The following RANBP3L variants were observed in gnomAD, a reference collection of about 807,000 sequenced individuals.
RANBP3L encodes the protein ran-binding protein 3-like.
In RANBP3L, 56 loss-of-function variants were observed where a neutral mutation model predicts 67.2. The observed-to-expected ratio is 0.83, with a 90% CI of 0.67 to 1.04. RANBP3L has a LOEUF of 1.04. Ranked by LOEUF, RANBP3L falls within the 50% of genes least tolerant of loss-of-function variation. The pLI, the probability that RANBP3L is intolerant of heterozygous loss-of-function variation, is 0.00. For missense variants in RANBP3L, 496 were observed against 535.5 expected, an observed-to-expected ratio of 0.93 and a Z score of 0.73; for synonymous variants, 164 against 181.4, an observed-to-expected ratio of 0.90 and a Z score of 0.77.
At chr5:36,282,911 T>A (rs1171177043) in intron 1 of RANBP3L, among the ~76,000 whole-genome samples, 1 of 152,154 alleles carries the variant, frequency 6.6e-6, no homozygotes, top group East Asian at 1.9e-4. Flanking sequence ...TCTGCAGTGA[T>A]ATATATTATT....
In RANBP3L at chr5:36,247,218, T is replaced by C. The variant is rs775031222; in HGVS notation, c.*2436A>G. Among the ~76,000 whole-genome samples, 1 of 152,302 alleles carries C rather than the reference T, an allele frequency of 6.6e-6. No homozygotes were observed. The highest frequency in any genetic ancestry group is 1.5e-5 in the Non-Finnish European group (1 of 68,024). ...TACAGGACAAGGAAAAACTATAAAA[T>C]GTTTCTACTATTCCTCCAAAATTGT... On this transcript the variant is annotated 3_prime_UTR_variant, in exon 14 of 14. Coordinates refer to ENST00000296604, the MANE Select transcript of RANBP3L (RefSeq NM_145000.5).
chr5:36,272,290 T>C (rs1425471667), intron 1 of RANBP3L, among the ~76,000 whole-genome samples: 1 of 152,200 alleles, frequency 6.6e-6, no homozygotes, highest in African/African-American at 2.4e-5. Context: ...CTCATAGCTA[T>C]CATTGCTAAA....
In RANBP3L at chr5:36,248,024, A is replaced by C. The variant is rs12656102; in HGVS notation, c.*1630T>G. Among the ~76,000 whole-genome samples, 1,834 of 152,248 alleles carry C rather than the reference A, an allele frequency of 0.012. 146 individuals are homozygous for C. The East Asian group carries it at 0.22, about 18-fold the overall frequency. ...ACCAGTGCTTTATTATCTTCTCCAA[A>C]TATCTCTCTGTGTTATGTTTCTAAT... On this transcript the variant is annotated 3_prime_UTR_variant, in exon 14 of 14. Coordinates refer to ENST00000296604, the MANE Select transcript of RANBP3L (RefSeq NM_145000.5).
chr5:36,262,201 T>G (rs1394259549), intron 6 of RANBP3L, among the ~76,000 whole-genome samples, 159 bp from the exon 7 acceptor site: 1 of 152,198 alleles, frequency 6.6e-6, no homozygotes, highest in Non-Finnish European at 1.5e-5. Flanking sequence ...TCCTTACAAC[T>G]CTAACACTTT....
At chr5:36,278,939 G>C (rs1213592046) in intron 1 of RANBP3L, among the ~76,000 whole-genome samples, 1 of 152,120 alleles carries the variant, frequency 6.6e-6, no homozygotes, top group Non-Finnish European at 1.5e-5. Context: ...TGATTAAAAT[G>C]TTCATTGCTG....
chr5:36,266,505 T>C (rs1486377941), intron 4 of RANBP3L, among the ~76,000 whole-genome samples: 1 of 152,198 alleles, frequency 6.6e-6, no homozygotes, highest in Non-Finnish European at 1.5e-5. Flanking sequence ...TTCAATTTAA[T>C]GTTTTTTATG....
intron 4 of RANBP3L, among the ~76,000 whole-genome samples, chr5:36,266,441 G>A (rs984344963): frequency 8.5e-5 from 13 of 152,068 alleles, no homozygotes; most frequent in African/African-American, 3.1e-4. Flanking sequence ...CTTCTTCAAA[G>A]TATTCTTTAA....
chr5:36,292,701 A>C (rs1751885049), intron 1 of RANBP3L, among the ~76,000 whole-genome samples: 1 of 151,942 alleles, frequency 6.6e-6, no homozygotes, highest in Non-Finnish European at 1.5e-5. Context: ...GTCAAAGATC[A>C]GATAGTTGTA....
chr5:36,265,574 C>T (rs1749705995), intron 4 of RANBP3L, 54 bp from the exon 5 acceptor site: 1 of 1,072,942 alleles, frequency 9.3e-7, no homozygotes, highest in Non-Finnish European at 1.4e-6. Flanking sequence ...TCAGATTCTA[C>T]ACTATTTGGG....
Position 36,301,727 on chromosome 5 carries a change from T to C in RANBP3L, c.-311A>G, listed in dbSNP as rs1379739472. The C allele has an allele frequency of 2.0e-5, 5 of 245,190 alleles. No homozygotes were observed. Among genetic ancestry groups the C allele is most frequent in the African/African-American group, 1.1e-4 (5 of 45,308 alleles). 15.2% of individuals were successfully genotyped at this position (245,190 alleles called of 1,614,324 possible). On this transcript the variant is annotated 5_prime_UTR_variant, in exon 1 of 14. Coordinates refer to ENST00000296604, the MANE Select transcript of RANBP3L (RefSeq NM_145000.5). ...TCCTTATAGAGTAAAATTCTACAAA[T>C]TAACTATTTCTAACAGATTACACTT...
chr5:36,274,150 TC>T (rs1750415247), intron 1 of RANBP3L, among the ~76,000 whole-genome samples: 1 of 152,222 alleles, frequency 6.6e-6, no homozygotes, highest in Admixed American at 6.5e-5. Context: ...CGTAAATTGT[TC>T]TTTGCTCGAT....
rs192919901 is a variant in RANBP3L, at chr5:36,299,995, C to A, written c.91+1331G>T. 3.9e-5 allele frequency among the ~76,000 whole-genome samples: 6 copies of A among 152,268 alleles called. No homozygotes were observed. The East Asian group carries it at 1.2e-3, about 29-fold the overall frequency. ...ACATTAAAATGTTAATAGCAATTATCTTTGGGTGGTGGGGTTACAGGTGAC... is the reference window on the plus strand; with the variant it reads ...ACATTAAAATGTTAATAGCAATTATATTTGGGTGGTGGGGTTACAGGTGAC... On this transcript the variant is annotated intron_variant, in intron 1 of 13. Transcript: ENST00000296604.
chr5:36,255,371 T>C (rs1748894777), intron 11 of RANBP3L, 99 bp downstream of exon 11: 1 of 1,195,836 alleles, frequency 8.4e-7, no homozygotes, highest in Admixed American at 2.6e-5. Context: ...TGGTGTATTT[T>C]ATAGCACATC....
Position 36,263,888 on chromosome 5 carries a change from T to A in RANBP3L, c.480+1071A>T, listed in dbSNP as rs913526856. Among the ~76,000 whole-genome samples, 4 of 152,246 alleles carry A rather than the reference T, an allele frequency of 2.6e-5. 1 individual carries two copies. The highest frequency in any genetic ancestry group is 9.6e-5 in the African/African-American group (4 of 41,460). The stretch of plus-strand genomic sequence containing the variant: ...CATGGTGATAATTATTACATTATAT[T>A]TAAGTGAAAACAATAATATACTTAT... On this transcript the variant is annotated intron_variant, in intron 6 of 13. Transcript: ENST00000296604.
At chr5:36,285,260 G>C (rs1298742803) in intron 1 of RANBP3L, among the ~76,000 whole-genome samples, 2 of 152,176 alleles carry the variant, frequency 1.3e-5, no homozygotes, top group African/African-American at 4.8e-5. Context: ...GCATTACCAC[G>C]AAAGAATAAT....
chr5:36,288,846 A>G (rs567096349), intron 1 of RANBP3L, among the ~76,000 whole-genome samples: 3 of 151,758 alleles, frequency 2.0e-5, no homozygotes, highest in East Asian at 3.9e-4. Context: ...TTTTTAACAT[A>G]TTCTGATTGA....
Position 36,247,708 on chromosome 5 carries a change from A to G in RANBP3L, c.*1946T>C, listed in dbSNP as rs1204337049. On this transcript the variant is annotated 3_prime_UTR_variant, in exon 14 of 14. Coordinates refer to ENST00000296604, the MANE Select transcript of RANBP3L (RefSeq NM_145000.5). ...AGACCAGCCTGGCCAACATGGTGAA[A>G]CCCCGTCTCTACTAAAAATACAAAA... 6.6e-6 allele frequency among the ~76,000 whole-genome samples: 1 copy of G among 151,996 alleles called. No homozygotes were observed. Among genetic ancestry groups the G allele is most frequent in the African/African-American group, 2.4e-5 (1 of 41,374 alleles).
chr5:36,297,664 T>C (rs1475753996), intron 1 of RANBP3L, among the ~76,000 whole-genome samples: 1 of 152,190 alleles, frequency 6.6e-6, no homozygotes, highest in East Asian at 1.9e-4. Context: ...TACAAATGTG[T>C]TCATAGAATC....
chr5:36,275,366 A>T (rs899862100), intron 1 of RANBP3L, among the ~76,000 whole-genome samples: 1 of 152,210 alleles, frequency 6.6e-6, no homozygotes, highest in Admixed American at 6.5e-5. Flanking sequence ...CCTTTAATTA[A>T]ATCTAGGCCT....
Sources: gnomAD v4.1 joint callset for allele counts (sites outside exome capture counted in the v4.1 genomes callset) on GRCh38, gnomAD v4.1.1 for gene constraint, MANE v1.5 for transcripts, NCBI Gene and HGNC (gene_info 2026-07-23, HGNC 2026-07-21) for gene names.